The following GABBR2 variants were observed in gnomAD, a reference collection of about 807,000 sequenced individuals.
GABBR2 encodes gamma-aminobutyric acid type B receptor subunit 2, also known as G-protein coupled receptor 51.
GABBR2 carries 23 observed loss-of-function variants against 105.6 expected under a neutral mutation model. That is an observed-to-expected ratio of 0.22 (90% CI 0.16 to 0.31). The LOEUF (loss-of-function observed/expected upper bound fraction) is 0.31, where lower values mean the gene tolerates loss of function less well. Among genes scored for constraint, GABBR2 ranks in the 10% least tolerant of loss-of-function variants. The pLI is 1.00. For missense variants in GABBR2, 734 were observed against 1,245.5 expected (o/e 0.59, Z 6.18); for synonymous variants, 478 against 499.7 (o/e 0.96, Z 0.58).
chr9:98,605,222 C>A (rs1436673478), intron 1 of GABBR2, among the ~76,000 whole-genome samples: 1 of 152,236 alleles, frequency 6.6e-6, no homozygotes, highest in African/African-American at 2.4e-5. Flanking sequence ...GTCAGGTTTC[C>A]AACTGCACCT....
chr9:98,680,552 G>A (rs1339594538), intron 1 of GABBR2, among the ~76,000 whole-genome samples: 2 of 151,912 alleles, frequency 1.3e-5, no homozygotes, highest in East Asian at 1.9e-4. Context: ...CTCATGATCC[G>A]CCCACCTCGG....
At chr9:98,610,917 G>A (rs540583262) in intron 1 of GABBR2, among the ~76,000 whole-genome samples, 9 of 152,164 alleles carry the variant, frequency 5.9e-5, no homozygotes, top group South Asian at 2.1e-4. Flanking sequence ...GCTTGAGCCC[G>A]GGAGGCAAAG....
intron 13 of GABBR2, among the ~76,000 whole-genome samples, chr9:98,349,998 T>C (rs1224843833): frequency 6.6e-6 from 1 of 150,774 alleles, no homozygotes; most frequent in Non-Finnish European, 1.5e-5. Context: ...TGTCCAGAAA[T>C]TTACCCATTT....
chr9:98,538,574 C>T (rs557144988), intron 3 of GABBR2: 50 of 981,798 alleles, frequency 5.1e-5, no homozygotes, highest in Non-Finnish European at 5.8e-5. Flanking sequence ...GAGGTGCTCA[C>T]AGGAGCAGCT....
intron 13 of GABBR2, among the ~76,000 whole-genome samples, chr9:98,337,466 A>G (rs571228519): frequency 3.2e-4 from 48 of 152,224 alleles, no homozygotes; most frequent in Admixed American, 5.9e-4. Context: ...AGCCTTTTTT[A>G]CAGACATGAA....
chr9:98,558,131 A>T (rs1230183123), intron 2 of GABBR2, among the ~76,000 whole-genome samples: 2 of 151,434 alleles, frequency 1.3e-5, no homozygotes, highest in Non-Finnish European at 2.9e-5. Context: ...AGCTACATAG[A>T]AAAAAAAACA....
In GABBR2 at chr9:98,636,485, C is replaced by CT. The variant is rs10559312; in HGVS notation, c.322-58414dup. ...ATTGCATTTTATTTTTCTTTCCTTT[C>CT]TTTTTTTTTTTTTTTTTTTTTTTTT... On this transcript the variant is annotated intron_variant, in intron 1 of 18. Coordinates refer to ENST00000259455, the MANE Select transcript of GABBR2 (RefSeq NM_005458.8). Among the ~76,000 whole-genome samples the CT allele has an allele frequency of 3.4e-3, 223 of 66,196 alleles. 4 individuals are homozygous for CT. The highest frequency in any genetic ancestry group is 0.019 in the East Asian group (35 of 1,884). 43.4% of individuals were successfully genotyped at this position (66,196 alleles called of 152,430 possible). A position where few individuals can be genotyped will look rare whatever the true frequency, so the allele number is the denominator to read the frequency against.
At chr9:98,434,162 C>T (rs1825862228) in intron 7 of GABBR2, among the ~76,000 whole-genome samples, 1 of 152,206 alleles carries the variant, frequency 6.6e-6, no homozygotes, top group Admixed American at 6.5e-5. Context: ...CTACATCTTT[C>T]TCCCATGCTG....
At chr9:98,322,011 C>T (rs1000602455) in intron 13 of GABBR2, among the ~76,000 whole-genome samples, 5 of 152,106 alleles carry the variant, frequency 3.3e-5, no homozygotes, top group African/African-American at 9.7e-5. Context: ...GGAGTCCTCA[C>T]ACTCCCATCC....
intron 7 of GABBR2, among the ~76,000 whole-genome samples, chr9:98,437,450 C>T (rs1825945497): frequency 6.6e-6 from 1 of 151,536 alleles, no homozygotes; most frequent in African/African-American, 2.4e-5. Flanking sequence ...TCAATCTACT[C>T]ACATAATCAT....
In GABBR2 at chr9:98,293,793, A is replaced by G; in HGVS notation, c.2652T>C (p.Ser884=). The G allele has an allele frequency of 1.3e-6, 2 of 1,525,088 alleles. No individual in the cohort carries two copies. Among genetic ancestry groups the G allele is most frequent in the Non-Finnish European group, 1.8e-6 (2 of 1,100,398 alleles). 94.5% of individuals were successfully genotyped at this position (1,525,088 alleles called of 1,614,324 possible). Residue 884 remains serine, a synonymous_variant, in exon 18 of 19, where the codon TCT becomes TCC. Coordinates refer to ENST00000259455, the MANE Select transcript of GABBR2 (RefSeq NM_005458.8). ...AAGGAGAAGGTACTTACTGTTCTGG[A>G]GAGTTTATATCTTCTATAGGATCTT... ...TCKDPIEDIN[S]PEHIQRRLSL...
In GABBR2 at chr9:98,603,554, T is replaced by A. The variant is rs143865555; in HGVS notation, c.322-25482A>T. Reference sequence around the variant, plus strand: ...TTCATGCTCCAGCTCTACGTTTGCTTTTTTTGTCCTCCCTCAAGGGCAAGG... The same window carrying A: ...TTCATGCTCCAGCTCTACGTTTGCTATTTTTGTCCTCCCTCAAGGGCAAGG... On this transcript the variant is annotated intron_variant, in intron 1 of 18. Coordinates refer to ENST00000259455, the MANE Select transcript of GABBR2 (RefSeq NM_005458.8). Among the ~76,000 whole-genome samples the A allele has an allele frequency of 1.9e-3, 293 of 152,304 alleles. 7 individuals are homozygous for A. Among genetic ancestry groups the A allele is most frequent in the Admixed American group, 0.017 (259 of 15,304 alleles).
chr9:98,459,241 G>A (rs1826381528), intron 6 of GABBR2, among the ~76,000 whole-genome samples: 1 of 152,050 alleles, frequency 6.6e-6, no homozygotes, highest in Non-Finnish European at 1.5e-5. Context: ...TCAGACCAAA[G>A]CTCCCATCAA....
intron 3 of GABBR2, among the ~76,000 whole-genome samples, chr9:98,541,113 C>A (rs1173918081): frequency 6.6e-6 from 1 of 152,182 alleles, no homozygotes; most frequent in African/African-American, 2.4e-5. Flanking sequence ...TTACGATATA[C>A]CCATCTGACA....
intron 1 of GABBR2, among the ~76,000 whole-genome samples, chr9:98,702,312 C>T (rs1830840426): frequency 6.6e-6 from 1 of 152,046 alleles, no homozygotes; most frequent in Admixed American, 6.5e-5. Flanking sequence ...CTCTCTGTTG[C>T]CCCTCCTGCC....
chr9:98,305,702 C>T (rs1255819311), intron 15 of GABBR2, among the ~76,000 whole-genome samples: 2 of 151,840 alleles, frequency 1.3e-5, no homozygotes, highest in African/African-American at 2.4e-5. Context: ...GTAGTCCCAG[C>T]TACTTGGTAG....
At chr9:98,480,320 T>TA (rs899917227) in intron 5 of GABBR2, among the ~76,000 whole-genome samples, 6 of 152,138 alleles carry the variant, frequency 3.9e-5, no homozygotes, top group African/African-American at 1.4e-4. Flanking sequence ...CTTTTTTTTT[T>TA]AGAGACTAGA....
At chr9:98,686,291 A>G (rs1350498878) in intron 1 of GABBR2, among the ~76,000 whole-genome samples, 1 of 152,086 alleles carries the variant, frequency 6.6e-6, no homozygotes, top group African/African-American at 2.4e-5. Flanking sequence ...CTCTTGGGGT[A>G]TGGCTCGCCA....
chr9:98,454,206 C>G lies in GABBR2; in HGVS notation c.1011G>C (p.Gln337His). ...IKTISGKTPQ[Q>H]YEREYNNKRS... ...GCTTGTTGTTGTACTCTCTCTCATA[C>G]TGCTGTGGAGTCTGGAAAAACAGGG... Residue 337 changes from glutamine to histidine, a missense_variant, in exon 7 of 19, where the codon CAG becomes CAC. Gln to His is a conservative substitution (Grantham distance 24, BLOSUM62 0). Around this residue, in one of 7 missense-constraint regions of GABBR2, gnomAD observed 370 missense variants for 648.9 expected, o/e 0.57. Transcript: ENST00000259455. This position sits in a 1 kb window ranked among gnomAD's most constrained non-coding sequence, Gnocchi z 4.6. 6.2e-7 allele frequency: 1 copy of G among 1,611,956 alleles called. No individual in the cohort carries two copies. The highest frequency in any genetic ancestry group is 2.2e-5 in the East Asian group (1 of 44,868).
Sources: gnomAD v4.1 joint callset for allele counts (sites outside exome capture counted in the v4.1 genomes callset) on GRCh38, gnomAD v4.1.1 for gene constraint, gnomAD v4.1.1 regional missense constraint, Gnocchi (gnomAD v3.1) non-coding constraint, MANE v1.5 for transcripts, NCBI Gene and HGNC (gene_info 2026-07-23, HGNC 2026-07-21) for gene names.